Variants in SV2B observed in about 807,000 individuals in gnomAD.
SV2B encodes the protein synaptic vesicle glycoprotein 2B, also known as solute carrier family 22 member B2.
A neutral mutation model predicts 73.9 loss-of-function variants in SV2B; 41 were observed. The ratio of observed to expected loss-of-function variants is 0.56; its 90% confidence interval spans 0.43 to 0.72. The LOEUF (loss-of-function observed/expected upper bound fraction) is 0.72. Ranked by LOEUF, SV2B falls within the 30% of genes least tolerant of loss-of-function variation. SV2B has a pLI of 0.00. For missense variants in SV2B, 764 were observed against 857.8 expected (o/e 0.89, Z 1.37); for synonymous variants, 314 against 314.2 (o/e 1.00, Z 0.01).
At chr15:91,112,021 A>T (rs1435215423) in intron 1 of SV2B, among the ~76,000 whole-genome samples, 2 of 151,686 alleles carry the variant, frequency 1.3e-5, no homozygotes, top group Admixed American at 1.3e-4. Flanking sequence ...CACCTCCAAC[A>T]CTGAGGATTA....
chr15:91,200,197 T>G (rs1396590524), intron 1 of SV2B, among the ~76,000 whole-genome samples: 1 of 152,224 alleles, frequency 6.6e-6, no homozygotes, highest in Non-Finnish European at 1.5e-5. Context: ...TGCTTTAATT[T>G]TGAGTTTGGT....
chr15:91,228,637 T>C (rs966928279), intron 2 of SV2B, among the ~76,000 whole-genome samples: 26 of 152,346 alleles, frequency 1.7e-4, no homozygotes, highest in Non-Finnish European at 3.7e-4. Flanking sequence ...TCTTGCTGGC[T>C]CCTAGGGCAA....
At chr15:91,185,546 G>A (rs1033172982) in intron 1 of SV2B, among the ~76,000 whole-genome samples, 2 of 152,186 alleles carry the variant, frequency 1.3e-5, no homozygotes, top group Admixed American at 6.5e-5. Flanking sequence ...CTTCATTAAA[G>A]CACATGGGGA....
rs2042537354 is a variant in SV2B, at chr15:91,128,067, T to C, written c.-392+27704T>C. Among the ~76,000 whole-genome samples the C allele has an allele frequency of 6.6e-6, 1 of 152,168 alleles. No individual in the cohort carries two copies. The highest frequency in any genetic ancestry group is 1.5e-5 in the Non-Finnish European group (1 of 68,032). ...AAGAGAAAAATATACCTGTGAAAGC[T>C]CTTATTATCATTGTCACGTTCATCC... On this transcript the variant is annotated intron_variant, in intron 1 of 12. Coordinates refer to ENST00000394232, the MANE Select transcript of SV2B (RefSeq NM_001323032.3). This position sits in a 1 kb window ranked among gnomAD's most constrained non-coding sequence, Gnocchi z 4.2.
At chr15:91,183,971 A>G (rs1206711150) in intron 1 of SV2B, among the ~76,000 whole-genome samples, 2 of 152,082 alleles carry the variant, frequency 1.3e-5, no homozygotes, top group Non-Finnish European at 1.5e-5. Flanking sequence ...GGGGACAAAA[A>G]AAACTGCAGT....
chr15:91,258,018 G>A lies in SV2B; in HGVS notation c.785-403G>A, dbSNP rs1185167078. Among the ~76,000 whole-genome samples the A allele has an allele frequency of 1.3e-5, 2 of 152,174 alleles. No homozygotes were observed. The highest frequency in any genetic ancestry group is 2.4e-5 in the African/African-American group (1 of 41,444). ...TCTAGCTTGTTGCTTGTCAAGGCAG[G>A]CAAATAGAATATGTTTCCTTTAACA... On this transcript the variant is annotated intron_variant, in intron 4 of 12. Coordinates refer to ENST00000394232, the MANE Select transcript of SV2B (RefSeq NM_001323032.3). This position sits in a 1 kb window ranked among gnomAD's most constrained non-coding sequence, Gnocchi z 4.7.
chr15:91,252,607 A>G lies in SV2B; in HGVS notation c.784+87A>G, dbSNP rs1596697878. 1.1e-5 allele frequency: 16 copies of G among 1,405,714 alleles called. No homozygotes were observed. The highest frequency in any genetic ancestry group is 1.7e-5 in the South Asian group (1 of 59,382). 87.1% of individuals were successfully genotyped at this position (1,405,714 alleles called of 1,614,324 possible). ...TAGTTCCTGTCCTCAGCCTTATTCC[A>G]TGTACTCACGCACAGTTCCCGTACG... On this transcript the variant is annotated intron_variant, in intron 4 of 12. Transcript: ENST00000394232. The surrounding 1 kb of genome is among the most constrained non-coding windows in gnomAD (Gnocchi z 4.6).
intron 5 of SV2B, among the ~76,000 whole-genome samples, chr15:91,259,789 G>A (rs73520042): frequency 6.6e-6 from 1 of 152,010 alleles, no homozygotes; most frequent in Non-Finnish European, 1.5e-5. Flanking sequence ...TCCATATGGA[G>A]GTCTTCCTAT....
chr15:91,262,729 A>C (rs912978340), intron 6 of SV2B, among the ~76,000 whole-genome samples: 2 of 152,186 alleles, frequency 1.3e-5, no homozygotes, highest in South Asian at 2.1e-4. Context: ...TTTATTAAGA[A>C]GCACGATGAA....
At chr15:91,102,723 A>G (rs879737555) in intron 1 of SV2B, among the ~76,000 whole-genome samples, 28 of 152,214 alleles carry the variant, frequency 1.8e-4, no homozygotes, top group Admixed American at 2.6e-4. Context: ...AGGACTGGGG[A>G]GTGCTGCCAG....
In SV2B at chr15:91,106,130, T is replaced by TA. The variant is rs1280347944; in HGVS notation, c.-392+5768dup. On this transcript the variant is annotated intron_variant, in intron 1 of 12. Coordinates refer to ENST00000394232, the MANE Select transcript of SV2B (RefSeq NM_001323032.3). The surrounding 1 kb of genome is among the most constrained non-coding windows in gnomAD (Gnocchi z 4.4). ...AGGATGTGTGGATGAGTTAGATACTTAGAGTATGAGAAAAAGATGACATAA... is the reference window on the plus strand; with the variant it reads ...AGGATGTGTGGATGAGTTAGATACTTAAGAGTATGAGAAAAAGATGACATAA... 1.3e-5 allele frequency among the ~76,000 whole-genome samples: 2 copies of TA among 152,146 alleles called. No homozygotes were observed. The highest frequency in any genetic ancestry group is 2.9e-5 in the Non-Finnish European group (2 of 68,024).
At chr15:91,125,139 T>G (rs1381147595) in intron 1 of SV2B, among the ~76,000 whole-genome samples, 1 of 152,190 alleles carries the variant, frequency 6.6e-6, no homozygotes, top group Non-Finnish European at 1.5e-5. Context: ...TCTCTTCTTG[T>G]AGGGACACTA....
chr15:91,185,531 G>T (rs137870238), intron 1 of SV2B, among the ~76,000 whole-genome samples: 1,801 of 152,288 alleles, frequency 0.012, 17 homozygotes, highest in Non-Finnish European at 0.02. Context: ...AAGATTGTAT[G>T]TTTTCTTCAT....
intron 4 of SV2B, among the ~76,000 whole-genome samples, chr15:91,255,386 C>T (rs1175707474): frequency 6.6e-6 from 1 of 152,200 alleles, no homozygotes; most frequent in East Asian, 1.9e-4. Flanking sequence ...AACTAAACAT[C>T]GTATGTTCTC....
At position 91,115,316 on chromosome 15, in the gene SV2B, G is replaced by A. The variant is rs571396192; in HGVS notation, c.-392+14953G>A. 6.6e-6 allele frequency among the ~76,000 whole-genome samples: 1 copy of A among 152,278 alleles called. No homozygotes were observed. Among genetic ancestry groups the A allele is most frequent in the South Asian group, 2.1e-4 (1 of 4,824 alleles). On this transcript the variant is annotated intron_variant, in intron 1 of 12. Transcript: ENST00000394232. This position sits in a 1 kb window ranked among gnomAD's most constrained non-coding sequence, Gnocchi z 4.3. ...CTGTTGCTGAAATAAAGATAACACA[G>A]TGCTACCTTTGTTGGTGAGTGTTGA...
chr15:91,238,298 A>G (rs1311534143), intron 2 of SV2B, among the ~76,000 whole-genome samples: 1 of 152,186 alleles, frequency 6.6e-6, no homozygotes, highest in Non-Finnish European at 1.5e-5. Flanking sequence ...ACATTATACC[A>G]TTTCTAACCT....
intron 1 of SV2B, among the ~76,000 whole-genome samples, chr15:91,113,167 C>T (rs1947288824): frequency 6.6e-6 from 1 of 152,118 alleles, no homozygotes; most frequent in South Asian, 2.1e-4. Flanking sequence ...AGTTTAGAAG[C>T]CTTTGGCAAA....
intron 1 of SV2B, among the ~76,000 whole-genome samples, chr15:91,225,482 C>T (rs973262363): frequency 4.0e-5 from 6 of 151,872 alleles, no homozygotes. Context: ...AGTATAAATC[C>T]CTTGACCACT....
At chr15:91,125,914 TG>T (rs2042469061) in intron 1 of SV2B, among the ~76,000 whole-genome samples, 1 of 151,740 alleles carries the variant, frequency 6.6e-6, no homozygotes, top group South Asian at 2.1e-4. Context: ...CTGAATATAT[TG>T]GTAACAATAA....
Sources: allele counts gnomAD v4.1 joint callset (sites outside exome capture counted in the v4.1 genomes callset), GRCh38; gene constraint gnomAD v4.1.1; non-coding constraint Gnocchi (gnomAD v3.1); transcripts MANE v1.5; gene names NCBI Gene and HGNC (gene_info 2026-07-23, HGNC 2026-07-21).